The following TAFA1 variants were observed in gnomAD, a reference collection of about 807,000 sequenced individuals.
The protein encoded by TAFA1 is TAFA chemokine like family member 1, also known as chemokine-like protein TAFA-1.
Under a neutral mutation model 18.5 loss-of-function variants are expected in TAFA1, and 4 were observed. The ratio of observed to expected loss-of-function variants is 0.22; its 90% CI spans 0.11 to 0.49. The LOEUF (loss-of-function observed/expected upper bound fraction) is 0.49, where lower values mean the gene tolerates loss of function less well. Among genes scored for constraint, TAFA1 ranks in the 20% least tolerant of loss-of-function variants. The pLI is 0.98. For synonymous variants in TAFA1, 56 were observed against 55.2 expected, an observed-to-expected ratio of 1.01 and a Z score of -0.06; for missense variants, 147 against 169.0, an observed-to-expected ratio of 0.87 and a Z score of 0.72.
chr3:68,139,486 T>G (rs2065644966), intron 2 of TAFA1, among the ~76,000 whole-genome samples: 2 of 152,206 alleles, frequency 1.3e-5, no homozygotes, highest in African/African-American at 4.8e-5. Flanking sequence ...ACAGTGGGTC[T>G]TGTTATAATA....
intron 2 of TAFA1, among the ~76,000 whole-genome samples, chr3:68,056,854 A>T (rs887800146): frequency 6.6e-6 from 1 of 152,158 alleles, no homozygotes; most frequent in East Asian, 1.9e-4. Context: ...GGCAGCAGGA[A>T]TTTGGTGGGA....
In TAFA1 at chr3:68,376,333, T is replaced by C. The variant is rs757779845; in HGVS notation, c.119-40947T>C. On this transcript the variant is annotated intron_variant, in intron 2 of 4. Transcript: ENST00000478136. Reference sequence around the variant, plus strand: ...AAACTTGTGTCATGGGTTTTTTTTTTACAGATCATTTCATCATCCAGGTAT... The same window carrying C: ...AAACTTGTGTCATGGGTTTTTTTTTCACAGATCATTTCATCATCCAGGTAT... Among the ~76,000 whole-genome samples, 124 of 152,124 alleles carry C rather than the reference T, an allele frequency of 8.2e-4. 2 individuals are homozygous for C. The highest frequency in any genetic ancestry group is 3.1e-4 in the Non-Finnish European group (21 of 67,980).
chr3:68,356,923 G>A (rs1254385612), intron 2 of TAFA1, among the ~76,000 whole-genome samples: 3 of 151,894 alleles, frequency 2.0e-5, no homozygotes, highest in Non-Finnish European at 4.4e-5. Context: ...AACTAGCACA[G>A]CTAGTATCTG....
intron 2 of TAFA1, among the ~76,000 whole-genome samples, chr3:68,195,775 T>C (rs2066403116): frequency 6.6e-6 from 1 of 151,694 alleles, no homozygotes; most frequent in South Asian, 2.1e-4. Flanking sequence ...AGGGTTCTTA[T>C]AATATAATAT....
intron 2 of TAFA1, among the ~76,000 whole-genome samples, chr3:68,140,735 C>T (rs192008432): frequency 3.3e-5 from 5 of 152,322 alleles, no homozygotes; most frequent in East Asian, 1.9e-4. Flanking sequence ...TGAAGGTACT[C>T]AGTGGCAATA....
intron 2 of TAFA1, among the ~76,000 whole-genome samples, chr3:68,096,341 T>A (rs924058313): frequency 1.3e-5 from 2 of 152,126 alleles, no homozygotes; most frequent in African/African-American, 4.8e-5. Context: ...TGGTGGACAC[T>A]TAGGTTATTC....
rs188981188 is a variant in TAFA1, at chr3:68,331,317, A to G, written c.119-85963A>G. ...AATGGAGACTGACTTCTTGAAGGGT[A>G]CAAGTTCTCCTTTTGGCCTGAAGAA... On this transcript the variant is annotated intron_variant, in intron 2 of 4. Transcript: ENST00000478136. Among the ~76,000 whole-genome samples the G allele has an allele frequency of 2.0e-4, 30 of 152,304 alleles. No individual in the cohort carries two copies. The East Asian group carries it at 4.6e-3, about 24-fold the overall frequency.
At chr3:68,220,873 T>A (rs527636993) in intron 2 of TAFA1, among the ~76,000 whole-genome samples, 1 of 152,268 alleles carries the variant, frequency 6.6e-6, no homozygotes, top group South Asian at 2.1e-4. Context: ...TGGTTCTCCC[T>A]ATCAGACTCA....
intron 3 of TAFA1, among the ~76,000 whole-genome samples, chr3:68,448,540 G>A (rs2071511873): frequency 6.6e-6 from 1 of 151,888 alleles, no homozygotes; most frequent in African/African-American, 2.4e-5. Flanking sequence ...AGGGTAGTTT[G>A]TTGCATTCTT....
intron 2 of TAFA1, among the ~76,000 whole-genome samples, chr3:68,094,996 AT>A (rs1203630920): frequency 2.9e-4 from 44 of 152,316 alleles, no homozygotes; most frequent in African/African-American, 9.1e-4. Context: ...AATTACTCCT[AT>A]GGCAGACTGT....
At chr3:68,394,682 A>G (rs987124415) in intron 2 of TAFA1, among the ~76,000 whole-genome samples, 4 of 151,614 alleles carry the variant, frequency 2.6e-5, no homozygotes, top group African/African-American at 9.7e-5. Flanking sequence ...TCCACAAACA[A>G]AAACAAGCAA....
At chr3:67,994,898 G>A in the TAFA1 span, among the ~76,000 whole-genome samples, 2 of 152,106 alleles carry the variant, frequency 1.3e-5, no homozygotes, top group African/African-American at 2.4e-5. Flanking sequence ...AAAGACTTCT[G>A]GAACCAGCGG....
intron 2 of TAFA1, chr3:68,145,197 A>T: frequency 1.2e-6 from 1 of 807,928 alleles, no homozygotes; most frequent in Admixed American, 1.7e-5. Flanking sequence ...CCTGCTACAA[A>T]ATCTGCAAAT....
chr3:68,086,658 G>A (rs989199925), intron 2 of TAFA1, among the ~76,000 whole-genome samples: 5 of 152,184 alleles, frequency 3.3e-5, no homozygotes, highest in Non-Finnish European at 5.9e-5. Context: ...AAAGGAAGAT[G>A]AAATACCAAA....
At chr3:68,517,647 TA>T (rs138708253) in intron 3 of TAFA1, among the ~76,000 whole-genome samples, 149 of 152,306 alleles carry the variant, frequency 9.8e-4, no homozygotes, top group Non-Finnish European at 1.7e-3. Context: ...TCAAACGAAC[TA>T]ATTCATTTTC....
intron 3 of TAFA1, among the ~76,000 whole-genome samples, chr3:68,476,706 C>T (rs866971561): frequency 6.6e-6 from 1 of 152,116 alleles, no homozygotes; most frequent in South Asian, 2.1e-4. Flanking sequence ...TTCTAATACC[C>T]ATCCTTTTAC....
intron 3 of TAFA1, among the ~76,000 whole-genome samples, chr3:68,457,279 G>A (rs1310920213): frequency 1.3e-5 from 2 of 152,168 alleles, no homozygotes; most frequent in African/African-American, 4.8e-5. Flanking sequence ...CTGTAAGTGT[G>A]TGTGTAAATT....
chr3:68,060,810 A>T (rs1232990520), intron 2 of TAFA1, among the ~76,000 whole-genome samples: 1 of 152,162 alleles, frequency 6.6e-6, no homozygotes, highest in African/African-American at 2.4e-5. Flanking sequence ...TTTCTTCTTT[A>T]AATGGGCTCA....
intron 3 of TAFA1, among the ~76,000 whole-genome samples, chr3:68,499,322 T>C (rs2072612314): frequency 1.3e-5 from 2 of 151,956 alleles, no homozygotes; most frequent in Non-Finnish European, 2.9e-5. Flanking sequence ...AAGCCTGCCA[T>C]TGCCAAAATG....
Sources: gnomAD v4.1 joint callset for allele counts (sites outside exome capture counted in the v4.1 genomes callset) on GRCh38, gnomAD v4.1.1 for gene constraint, MANE v1.5 for transcripts, NCBI Gene and HGNC (gene_info 2026-07-23, HGNC 2026-07-21) for gene names.